Variants in GCN1 observed in about 807,000 individuals in gnomAD.
The protein encoded by GCN1 is stalled ribosome sensor GCN1.
GCN1 carries 90 observed loss-of-function variants against 288.4 expected under a neutral mutation model. The observed-to-expected ratio is 0.31, with a 90% confidence interval of 0.26 to 0.37. GCN1 has a LOEUF of 0.37. GCN1 is among the 10% of genes least tolerant of loss of function. The probability of loss-of-function intolerance (pLI) is 1.00; values close to 1 mark genes in which losing one functional copy is unlikely to be tolerated. For synonymous variants in GCN1, 1,386 were observed against 1,420.2 expected (o/e 0.98, Z 0.54); for missense variants, 2,586 against 3,419.9 (o/e 0.76, Z 6.08).
intron 33 of GCN1, among the ~76,000 whole-genome samples, chr12:120,152,106 T>C (rs1433874931): frequency 6.6e-6 from 1 of 152,138 alleles, no homozygotes; most frequent in African/African-American, 2.4e-5. Flanking sequence ...CATAATTCAC[T>C]ATAACCTTGA....
chr12:120,160,293 G>T (rs755686417), intron 22 of GCN1, 38 bp from the exon 23 acceptor site: 3 of 1,391,086 alleles, frequency 2.2e-6, no homozygotes, highest in South Asian at 1.2e-5. Flanking sequence ...CCCATCTCCA[G>T]GGAACAGACC....
chr12:120,193,243 G>A (rs756108154), intron 1 of GCN1, among the ~76,000 whole-genome samples: 75 of 152,072 alleles, frequency 4.9e-4, no homozygotes, highest in Non-Finnish European at 1.0e-3. Context: ...CACCCAATAC[G>A]GTAGCCACTG....
rs1445363647 is a variant in GCN1, at chr12:120,156,521, C to T, written c.3252G>A (p.Val1084=). 1.2e-6 allele frequency: 2 copies of T among 1,614,022 alleles called. No individual in the cohort carries two copies. The highest frequency in any genetic ancestry group is 1.1e-5 in the South Asian group (1 of 91,080). Residue 1084 remains valine (V), a synonymous_variant, in exon 28 of 58, where the codon GTG becomes GTA. Transcript: ENST00000300648. This position sits in a 1 kb window ranked among gnomAD's most constrained non-coding sequence, Gnocchi z 5.8. ...DGCAFAEQEE[V]DVLLCALQSP... is the part of the protein sequence containing the mutation. ...ACTGCAAGGCACAGAGCAGCACGTC[C>T]ACCTCCTCCTGCTCTGCAAAGGCAC...
chr12:120,170,088 C>T, intron 15 of GCN1, 81 bp downstream of exon 15: 2 of 1,302,252 alleles, frequency 1.5e-6, no homozygotes, highest in East Asian at 2.3e-5. Context: ...CCAAGCTAAT[C>T]CTGAACATCA....
chr12:120,177,674 T>C lies in GCN1; in HGVS notation c.729+10A>G, dbSNP rs1165754407. Reference sequence around the variant, plus strand: ...GTTGTCCAGGTGAGTAACGTCCACCTCTCGCTCACCAACAGGTACTTCGGA... The same window carrying C: ...GTTGTCCAGGTGAGTAACGTCCACCCCTCGCTCACCAACAGGTACTTCGGA... On this transcript the variant is annotated intron_variant, in intron 8 of 57. Transcript: ENST00000300648. 6.2e-7 allele frequency: 1 copy of C among 1,607,844 alleles called. No individual in the cohort carries two copies. The highest frequency in any genetic ancestry group is 8.5e-7 in the Non-Finnish European group (1 of 1,174,454).
intron 5 of GCN1, among the ~76,000 whole-genome samples, chr12:120,180,541 T>C (rs1447443970): frequency 6.7e-6 from 1 of 149,456 alleles, no homozygotes; most frequent in Admixed American, 6.7e-5. Flanking sequence ...GGAGGTGGAG[T>C]TTGCAGTGAG....
At chr12:120,194,424 C>A (rs1879104486) in intron 1 of GCN1, among the ~76,000 whole-genome samples, 1 of 152,226 alleles carries the variant, frequency 6.6e-6, no homozygotes, top group Non-Finnish European at 1.5e-5. Context: ...TGGGGTCGGG[C>A]AAAGGCCCCG....
rs751663884 is a variant in GCN1, at chr12:120,129,293, C to T, written c.7873G>A (p.Gly2625Ser). The T allele has an allele frequency of 3.1e-6, 5 of 1,613,854 alleles. No homozygotes were observed. Among genetic ancestry groups the T allele is most frequent in the Non-Finnish European group, 1.7e-6 (2 of 1,179,792 alleles). The change falls in exon 57 of 58, where the codon GGT becomes AGT. Residue 2625 changes from glycine to serine, a missense_variant. Physicochemically the swap from Gly to Ser is moderately conservative, Grantham distance 56. Transcript: ENST00000300648. ...GCTCCCACCTGAAACACCTCTTCAC[C>T]CTGCCGCATCTTGAGGAGGTTGACA... ...AIVNLLKMRQ[G>S]EEVFQSLSKI...
At chr12:120,181,172 G>C (rs1203152597) in intron 5 of GCN1, among the ~76,000 whole-genome samples, 1 of 151,982 alleles carries the variant, frequency 6.6e-6, no homozygotes, top group Non-Finnish European at 1.5e-5. Flanking sequence ...GCATAGTATA[G>C]AAAGGATTAC....
In GCN1 at chr12:120,136,589, A is replaced by T. The variant is rs1304859898; in HGVS notation, c.6921T>A (p.Thr2307=). 8 of 1,614,226 alleles carry T rather than the reference A, an allele frequency of 5.0e-6. No individual in the cohort carries two copies. In the East Asian group the frequency reaches 1.8e-4, roughly 36 times the overall value. ...CCCCCAGGATGCGGATCAGAGGGCCAGTGATGCTGACCACGGAGGGCCTCA... is the reference window on the plus strand; with the variant it reads ...CCCCCAGGATGCGGATCAGAGGGCCTGTGATGCTGACCACGGAGGGCCTCA... The part of the protein sequence containing the change: ...DALRPSVVSI[T]GPLIRILGDR... The change falls in exon 51 of 58, where the codon ACT becomes ACA. Residue 2307 remains threonine, a synonymous_variant. Coordinates refer to ENST00000300648, the MANE Select transcript of GCN1 (RefSeq NM_006836.2).
chr12:120,133,749 C>T (rs935905082), intron 53 of GCN1, among the ~76,000 whole-genome samples: 1 of 152,202 alleles, frequency 6.6e-6, no homozygotes, highest in Admixed American at 6.5e-5. Flanking sequence ...TGGGTCTCTA[C>T]AAAGCTTACT....
In GCN1 at chr12:120,142,812, C is replaced by T. The variant is rs755954936; in HGVS notation, c.5613+12G>A. ...CTACCATCAGCAGGGGCAGGAAAGCCACTGCAGGCACCTTGTTGGACTGGG... is the reference window on the plus strand; with the variant it reads ...CTACCATCAGCAGGGGCAGGAAAGCTACTGCAGGCACCTTGTTGGACTGGG... On this transcript the variant is annotated intron_variant, in intron 43 of 57. Transcript: ENST00000300648. The surrounding 1 kb of genome is among the most constrained non-coding windows in gnomAD (Gnocchi z 4.9). 6.2e-7 allele frequency: 1 copy of T among 1,603,304 alleles called. No individual in the cohort carries two copies.
rs368431478 is a variant in GCN1 at position 120,144,289 on chromosome 12, T to C, written c.5495+17A>G. 7.0e-5 allele frequency: 113 copies of C among 1,614,074 alleles called. No homozygotes were observed. In the African/African-American group the frequency reaches 1.3e-3, roughly 19 times the overall value. On this transcript the variant is annotated intron_variant, in intron 42 of 57. Transcript: ENST00000300648. The surrounding 1 kb of genome is among the most constrained non-coding windows in gnomAD (Gnocchi z 4.7). Reference sequence around the variant, plus strand: ...CCACGCATCATCCCCACTGGGTCTTTCTGCCCAAGTTCTCACCTGATTCTC... The same window carrying C: ...CCACGCATCATCCCCACTGGGTCTTCCTGCCCAAGTTCTCACCTGATTCTC...
Position 120,174,177 on chromosome 12 carries a change from G to A in GCN1, c.1094-8C>T, listed in dbSNP as rs748313500. The A allele has an allele frequency of 5.3e-6, 8 of 1,510,214 alleles. No individual in the cohort carries two copies. Among genetic ancestry groups the A allele is most frequent in the Middle Eastern group, 1.7e-4 (1 of 5,836 alleles). 93.6% of individuals were successfully genotyped at this position (1,510,214 alleles called of 1,614,324 possible). ...GACTGACGCTCCCAATCCCTAAAAG[G>A]CAGATTCCCTGTTCAGTCTCTTATC... On this transcript the variant is annotated splice_polypyrimidine_tract_variant and splice_region_variant and intron_variant, in intron 12 of 57. Coordinates refer to ENST00000300648, the MANE Select transcript of GCN1 (RefSeq NM_006836.2).
At chr12:120,178,510 G>A in intron 7 of GCN1, 115 bp downstream of exon 7, 1 of 1,025,764 alleles carries the variant, frequency 9.7e-7, no homozygotes, top group South Asian at 1.4e-5. Context: ...ACAAGTTTCA[G>A]ATAAGGTCAA....
intron 5 of GCN1, among the ~76,000 whole-genome samples, chr12:120,181,618 T>A (rs185550971): frequency 6.6e-6 from 1 of 151,424 alleles, no homozygotes; most frequent in East Asian, 1.9e-4. Context: ...GGCGGGCGGA[T>A]CACCTGAGGT....
At chr12:120,136,830 A>C in intron 50 of GCN1, 98 bp from the exon 51 acceptor site, 1 of 791,976 alleles carries the variant, frequency 1.3e-6, no homozygotes, top group Non-Finnish European at 2.1e-6. Context: ...TCCTCCCCTC[A>C]ACTCCATGGG....
At position 120,153,882 on chromosome 12, in the gene GCN1, C is replaced by T; in HGVS notation, c.3729G>A (p.Lys1243=). The part of the protein sequence containing the change: ...ARCGLALALN[K]LSQYLDSSQV... ...GAGAGCTGTCCAAATACTGGGAGAG[C>T]TTGTTGAGGGCCAACGCCAAGCCAC... Residue 1243 remains lysine, a synonymous_variant, in exon 32 of 58, where the codon AAG becomes AAA. Transcript: ENST00000300648. The surrounding 1 kb of genome is among the most constrained non-coding windows in gnomAD (Gnocchi z 4.4). The T allele has an allele frequency of 6.2e-7, 1 of 1,614,052 alleles. No homozygotes were observed. The highest frequency in any genetic ancestry group is 8.5e-7 in the Non-Finnish European group (1 of 1,179,972).
rs1346296354 is a variant in GCN1 at position 120,144,251 on chromosome 12, T to C, written c.5495+55A>G. Reference sequence around the variant, plus strand: ...TCGGCTTTCCAGAGTGCTCGGATTATAGGCATGAGCCACCACGCATCATCC... The same window carrying C: ...TCGGCTTTCCAGAGTGCTCGGATTACAGGCATGAGCCACCACGCATCATCC... On this transcript the variant is annotated intron_variant, in intron 42 of 57. Transcript: ENST00000300648. This position sits in a 1 kb window ranked among gnomAD's most constrained non-coding sequence, Gnocchi z 4.7. 3.1e-6 allele frequency: 5 copies of C among 1,597,854 alleles called. No individual in the cohort carries two copies. The highest frequency in any genetic ancestry group is 1.1e-5 in the South Asian group (1 of 90,664).
Sources: allele counts gnomAD v4.1 joint callset (sites outside exome capture counted in the v4.1 genomes callset), GRCh38; gene constraint gnomAD v4.1.1; non-coding constraint Gnocchi (gnomAD v3.1); transcripts MANE v1.5; gene names NCBI Gene and HGNC (gene_info 2026-07-23, HGNC 2026-07-21).